Variants in MRE11 observed in about 807,000 individuals in gnomAD.
MRE11 encodes double-strand break repair protein MRE11.
Under a neutral mutation model 91.7 loss-of-function variants are expected in MRE11, and 62 were observed. The ratio of observed to expected loss-of-function variants is 0.68; its 90% CI spans 0.55 to 0.84. The LOEUF (loss-of-function observed/expected upper bound fraction) is 0.84. MRE11 is among the 40% of genes least tolerant of loss of function. MRE11 has a pLI of 0.00. For missense variants in MRE11, 796 were observed against 852.9 expected, an observed-to-expected ratio of 0.93 and a Z score of 0.83; for synonymous variants, 273 against 271.4, an observed-to-expected ratio of 1.01 and a Z score of -0.06.
At chr11:94,497,961 A>G (rs1947440053), upstream of MRE11, 2 of 791,136 alleles carry the variant, frequency 2.5e-6, no homozygotes, top group Non-Finnish European at 3.9e-6. Flanking sequence ...TCATCTACTA[A>G]CAAGTAAGTT....
the MRE11 span, among the ~76,000 whole-genome samples, chr11:94,504,690 T>C: frequency 6.6e-6 from 1 of 152,210 alleles, no homozygotes. Flanking sequence ...TTCATTCAGT[T>C]TTGCTATAAG....
chr11:94,467,345 C>A (rs997534239), intron 10 of MRE11, among the ~76,000 whole-genome samples: 1 of 151,160 alleles, frequency 6.6e-6, no homozygotes, highest in East Asian at 1.9e-4. Flanking sequence ...GGATGTGTTA[C>A]GGGGAAAAAA....
chr11:94,500,109 G>A, the MRE11 span, among the ~76,000 whole-genome samples: 1 of 152,134 alleles, frequency 6.6e-6, no homozygotes, highest in Non-Finnish European at 1.5e-5. Flanking sequence ...CAGCTGACAG[G>A]CAGTGATGAT....
intron 16 of MRE11, among the ~76,000 whole-genome samples, chr11:94,443,479 T>C (rs2134880070): frequency 6.6e-6 from 1 of 152,338 alleles, no homozygotes; most frequent in Non-Finnish European, 1.5e-5. Context: ...ATTGCTACTA[T>C]TAGTGGTTTT....
chr11:94,484,484 T>C (rs1947088643), intron 4 of MRE11, among the ~76,000 whole-genome samples: 1 of 152,220 alleles, frequency 6.6e-6, no homozygotes, highest in Admixed American at 6.5e-5. Context: ...TTTTAACTTA[T>C]GTCCATCAGA....
intron 4 of MRE11, among the ~76,000 whole-genome samples, chr11:94,484,491 C>T (rs1947089103): frequency 6.6e-6 from 1 of 152,156 alleles, no homozygotes; most frequent in Non-Finnish European, 1.5e-5. Flanking sequence ...TTATGTCCAT[C>T]AGAAGTGGAA....
intron 10 of MRE11, among the ~76,000 whole-genome samples, chr11:94,467,591 A>G (rs1946598131): frequency 6.6e-6 from 1 of 152,210 alleles, no homozygotes; most frequent in Non-Finnish European, 1.5e-5. Flanking sequence ...TCTATTAAAT[A>G]TAACAACAAA....
intron 18 of MRE11, among the ~76,000 whole-genome samples, chr11:94,430,439 T>A (rs995427173): frequency 3.3e-5 from 5 of 152,076 alleles, no homozygotes; most frequent in African/African-American, 9.7e-5. Flanking sequence ...TATTTTCTAT[T>A]CAAATCTCAG....
chr11:94,440,545 G>A (rs1471676473), intron 16 of MRE11, among the ~76,000 whole-genome samples: 1 of 152,126 alleles, frequency 6.6e-6, no homozygotes, highest in East Asian at 1.9e-4. Flanking sequence ...TCCTTTCCCT[G>A]AGTTCACTTT....
the MRE11 span, among the ~76,000 whole-genome samples, chr11:94,508,875 C>T: frequency 6.6e-6 from 1 of 152,026 alleles, no homozygotes. Flanking sequence ...CATTCTCCTG[C>T]CTCAGCCTCC....
intron 18 of MRE11, among the ~76,000 whole-genome samples, chr11:94,432,462 G>A (rs949889283): frequency 6.6e-6 from 1 of 152,144 alleles, no homozygotes; most frequent in African/African-American, 2.4e-5. Flanking sequence ...CATCCCAATG[G>A]TTTTAAGTAC....
chr11:94,486,744 T>A (rs1006091678), intron 3 of MRE11, among the ~76,000 whole-genome samples: 1 of 152,156 alleles, frequency 6.6e-6, no homozygotes, highest in Non-Finnish European at 1.5e-5. Context: ...ACAATTCGCC[T>A]GAGGACAGAA....
At chr11:94,474,451 G>C (rs75080961) in intron 7 of MRE11, among the ~76,000 whole-genome samples, 2 of 88,104 alleles carry the variant, frequency 2.3e-5, no homozygotes, top group South Asian at 7.8e-4. Flanking sequence ...ACATAAATAA[G>C]TAAGTAAATA....
chr11:94,496,520 T>C (rs147297273), upstream of MRE11: 728 of 582,424 alleles, frequency 1.2e-3, 5 homozygotes, highest in African/African-American at 9.4e-3. Context: ...AGGGTTTAAT[T>C]GTATATGTTT....
chr11:94,440,626 G>A (rs1945754967), intron 16 of MRE11, among the ~76,000 whole-genome samples: 2 of 152,166 alleles, frequency 1.3e-5, no homozygotes, highest in South Asian at 2.1e-4. Context: ...CACAGCCCAC[G>A]GCTGCCCAAA....
At chr11:94,456,009 A>G (rs1272728235) in intron 14 of MRE11, among the ~76,000 whole-genome samples, 1 of 151,994 alleles carries the variant, frequency 6.6e-6, no homozygotes, top group Non-Finnish European at 1.5e-5. Flanking sequence ...ATCCCCTCCA[A>G]CCTTAGCCTC....
At position 94,486,070 on chromosome 11, in the gene MRE11, C is replaced by A. The variant is rs863224896; in HGVS notation, c.168G>T (p.Leu56Phe). 1 of 1,613,452 alleles carries A rather than the reference C, an allele frequency of 6.2e-7. No homozygotes were observed. The highest frequency in any genetic ancestry group is 1.7e-5 in the Admixed American group (1 of 59,968). ...TTTCATGAAAAAGATCACCACCTAA[C>A]AAAATAAAATCCACCTGATCAACAG... ...LAQENEVDFI[L>F]LGGDLFHENK... The change falls in exon 4 of 20, where the codon TTG becomes TTT. Residue 56 changes from leucine to phenylalanine, a missense_variant. Leu to Phe is a conservative substitution (Grantham distance 22). Coordinates refer to ENST00000323929, the MANE Select transcript of MRE11 (RefSeq NM_005591.4).
intron 10 of MRE11, chr11:94,466,544 C>T (rs11020790): frequency 0.03 from 15,758 of 523,486 alleles, 719 homozygotes; most frequent in African/African-American, 0.14. Flanking sequence ...TTACTTTCTA[C>T]GACAAAACCC....
intron 3 of MRE11, among the ~76,000 whole-genome samples, chr11:94,489,300 C>G (rs974788566): frequency 1.3e-5 from 2 of 151,252 alleles, no homozygotes; most frequent in Non-Finnish European, 2.9e-5. Flanking sequence ...GCAAGGGCCT[C>G]AGAGTAGAAC....
Sources: allele counts gnomAD v4.1 joint callset (sites outside exome capture counted in the v4.1 genomes callset), GRCh38; gene constraint gnomAD v4.1.1; transcripts MANE v1.5; gene names NCBI Gene and HGNC (gene_info 2026-07-23, HGNC 2026-07-21).